Variants in CRNKL1 observed in about 807,000 individuals in gnomAD.
CRNKL1 encodes crooked neck pre-mRNA splicing factor 1, also known as crooked neck-like protein 1.
Under a neutral mutation model 103.7 loss-of-function variants are expected in CRNKL1, and 35 were observed. The ratio of observed to expected loss-of-function variants is 0.34; its 90% CI spans 0.26 to 0.45. The LOEUF is 0.45. Ranked by LOEUF, CRNKL1 falls within the 20% of genes least tolerant of loss-of-function variation. The probability of loss-of-function intolerance (pLI) is 1.00; values close to 1 mark genes in which losing one functional copy is unlikely to be tolerated. For missense variants in CRNKL1, 645 were observed against 836.0 expected (o/e 0.77, Z 2.82); for synonymous variants, 267 against 282.6 (o/e 0.94, Z 0.55).
chr20:20,053,868 C>T (rs1022421134), upstream of CRNKL1, among the ~76,000 whole-genome samples: 2 of 152,004 alleles, frequency 1.3e-5, no homozygotes, highest in African/African-American at 4.8e-5. Flanking sequence ...ATTGATTTAC[C>T]AAATGAATCA....
rs73119706 is a variant in CRNKL1, at chr20:20,040,018, G to A, written c.1306-170C>T. Among the ~76,000 whole-genome samples the A allele has an allele frequency of 1.7e-3, 257 of 152,266 alleles. 1 individual carries two copies. The highest frequency in any genetic ancestry group is 0.013 in the South Asian group (62 of 4,830). ...CAATGTTTACTGGTTCTTGACAAAA[G>A]GCTGAAGGAAACTCCTCTAATTCAC... On this transcript the variant is annotated intron_variant, in intron 10 of 13. Transcript: ENST00000536226.
In CRNKL1 at chr20:20,036,218, C is replaced by T. The variant is rs764414292; in HGVS notation, c.2041G>A (p.Asp681Asn). 5.6e-6 allele frequency: 9 copies of T among 1,614,116 alleles called. No homozygotes were observed. In the South Asian group the frequency reaches 8.8e-5, roughly 16 times the overall value. Residue 681 changes from aspartate to asparagine, a missense_variant, in exon 14 of 14, where the codon GAC becomes AAC. By Grantham distance (23) the Asp-to-Asn change is conservative. Coordinates refer to ENST00000536226, the MANE Select transcript of CRNKL1 (RefSeq NM_001278628.2). Reference protein sequence around the residue: ...KEDAEHHPDEDVDESES With the variant: ...KEDAEHHPDENVDESES ...GATCAGGATTCACTCTCATCGACGT[C>T]CTCATCTGGATGGTGCTCAGCATCC...
At chr20:20,051,052 G>A (rs2043707037) in intron 1 of CRNKL1, among the ~76,000 whole-genome samples, 1 of 152,142 alleles carries the variant, frequency 6.6e-6, no homozygotes, top group South Asian at 2.1e-4. Context: ...GTTTTACATG[G>A]CACTTCAAGT....
In CRNKL1 at chr20:20,034,547, A is replaced by G. The variant is rs2043387361; in HGVS notation, c.*1648T>C. On this transcript the variant is annotated 3_prime_UTR_variant, in exon 14 of 14. Transcript: ENST00000536226. ...TTTTTTTCTTATGCATTCATGCAAC[A>G]TAAACAGATAATTCTAGGAAGACTG... The G allele has an allele frequency of 2.3e-5, 3 of 131,196 alleles. No individual in the cohort carries two copies. In the South Asian group the frequency reaches 7.4e-4, roughly 32 times the overall value. 8.1% of individuals were successfully genotyped at this position (131,196 alleles called of 1,614,324 possible).
intron 13 of CRNKL1, 131 bp from the exon 14 acceptor site, chr20:20,036,493 A>AG: frequency 1.2e-6 from 1 of 822,502 alleles, no homozygotes. Flanking sequence ...TACTACAGAA[A>AG]GAACAAGGGC....
At chr20:20,039,180 C>T (rs751430765) in intron 11 of CRNKL1, among the ~76,000 whole-genome samples, 25 of 152,172 alleles carry the variant, frequency 1.6e-4, no homozygotes, top group South Asian at 2.1e-4. Context: ...TGAAGGCAGG[C>T]GAGGACTTTC....
rs976735286 is a variant in CRNKL1 at position 20,040,863 on chromosome 20, C to G, written c.1225-97G>C. 5.5e-5 allele frequency: 45 copies of G among 822,354 alleles called. 1 individual carries two copies. In the South Asian group the frequency reaches 6.9e-4, roughly 13 times the overall value. 50.9% of individuals were successfully genotyped at this position (822,354 alleles called of 1,614,324 possible). A position where few individuals can be genotyped will look rare whatever the true frequency, so the allele number is the denominator to read the frequency against. ...AAATTAACCAAAGCCATTGGTAATT[C>G]GATTTCTCTAAAACTTCAGAGTAAG... On this transcript the variant is annotated intron_variant, in intron 9 of 13. Coordinates refer to ENST00000536226, the MANE Select transcript of CRNKL1 (RefSeq NM_001278628.2).
At chr20:20,051,431 C>T (rs1321686650) in intron 1 of CRNKL1, among the ~76,000 whole-genome samples, 1 of 152,128 alleles carries the variant, frequency 6.6e-6, no homozygotes, top group African/African-American at 2.4e-5. Flanking sequence ...CATTATATTT[C>T]CATTGGACCA....
intron 11 of CRNKL1, among the ~76,000 whole-genome samples, chr20:20,038,873 T>C (rs1025235558): frequency 6.6e-6 from 1 of 152,194 alleles, no homozygotes; most frequent in Non-Finnish European, 1.5e-5. Flanking sequence ...GCAACAAGCA[T>C]TCACTGAACA....
At chr20:20,046,246 T>C (rs2043592880) in intron 5 of CRNKL1, among the ~76,000 whole-genome samples, 1 of 152,156 alleles carries the variant, frequency 6.6e-6, no homozygotes, top group African/African-American at 2.4e-5. Flanking sequence ...AGCTCCCTCA[T>C]CTGTAGGACA....
chr20:20,035,996 C>A lies in CRNKL1; in HGVS notation c.*199G>T, dbSNP rs2043413041. ...TTTGGACTCAGTTGGAAAAACAAAT[C>A]CAGCAGTTAAAAAAGTCCTTTACTT... On this transcript the variant is annotated 3_prime_UTR_variant, in exon 14 of 14. Transcript: ENST00000536226. 1 of 540,996 alleles carries A rather than the reference C, an allele frequency of 1.8e-6. No homozygotes were observed. The highest frequency in any genetic ancestry group is 2.8e-5 in the South Asian group (1 of 35,334). 33.5% of individuals were successfully genotyped at this position (540,996 alleles called of 1,614,324 possible).
chr20:20,052,772 G>GA, upstream of CRNKL1: 1 of 1,523,886 alleles, frequency 6.6e-7, no homozygotes, highest in South Asian at 1.2e-5. Flanking sequence ...GAGGGCGGGG[G>GA]AAGAAGGGAG....
upstream of CRNKL1, among the ~76,000 whole-genome samples, chr20:20,053,808 A>G (rs1388953880): frequency 2.0e-5 from 3 of 152,172 alleles, no homozygotes; most frequent in Non-Finnish European, 4.4e-5. Context: ...AATAAATATT[A>G]AAAAGATGTT....
Position 20,042,391 on chromosome 20 carries a change from C to A in CRNKL1, c.1098G>T (p.Lys366Asn). Residue 366 changes from lysine (K) to asparagine (N), a missense_variant, in exon 8 of 14, where the codon AAG becomes AAT. Coordinates refer to ENST00000536226, the MANE Select transcript of CRNKL1 (RefSeq NM_001278628.2). Reference sequence around the variant, plus strand: ...GATAAATGTAGCGCTTCCAGTGCCTCTTCTCCTGAATGGGTGGGACATTGG... The same window carrying A: ...GATAAATGTAGCGCTTCCAGTGCCTATTCTCCTGAATGGGTGGGACATTGG... Reference protein sequence around the residue: ...AIANVPPIQEKRHWKRYIYLW... With the variant: ...AIANVPPIQENRHWKRYIYLW... 1 of 1,614,168 alleles carries A rather than the reference C, an allele frequency of 6.2e-7. No individual in the cohort carries two copies. The highest frequency in any genetic ancestry group is 8.5e-7 in the Non-Finnish European group (1 of 1,180,026).
intron 3 of CRNKL1, 61 bp downstream of exon 3, chr20:20,049,279 T>C: frequency 1.0e-6 from 1 of 979,584 alleles, no homozygotes; most frequent in Non-Finnish European, 1.6e-6. Context: ...TCTTCTTTTC[T>C]TTTTGGTATC....
intron 5 of CRNKL1, 119 bp from the exon 6 acceptor site, chr20:20,045,605 G>A: frequency 1.2e-6 from 1 of 866,898 alleles, no homozygotes; most frequent in East Asian, 2.5e-5. Flanking sequence ...TACAACTCTA[G>A]GGGAACAAAA....
intron 5 of CRNKL1, among the ~76,000 whole-genome samples, chr20:20,046,500 T>C (rs554556451): frequency 6.6e-6 from 1 of 152,346 alleles, no homozygotes; most frequent in Admixed American, 6.5e-5. Context: ...TATGTTCTAT[T>C]TAGTCAATGC....
chr20:20,036,476 C>T, intron 13 of CRNKL1, 114 bp from the exon 14 acceptor site: 2 of 956,768 alleles, frequency 2.1e-6, no homozygotes, highest in Non-Finnish European at 3.1e-6. Context: ...AAAATAACAT[C>T]AAAGTCTACT....
At chr20:20,044,578 C>T (rs1199233722) in intron 6 of CRNKL1, among the ~76,000 whole-genome samples, 2 of 152,220 alleles carry the variant, frequency 1.3e-5, no homozygotes, top group African/African-American at 4.8e-5. Flanking sequence ...ACTGGGAATG[C>T]TCAAACCTGT....
Sources: gnomAD v4.1 joint callset for allele counts (sites outside exome capture counted in the v4.1 genomes callset) on GRCh38, gnomAD v4.1.1 for gene constraint, MANE v1.5 for transcripts, NCBI Gene and HGNC (gene_info 2026-07-23, HGNC 2026-07-21) for gene names.